PTPRN2: variants seen among roughly 807,000 people sequenced by gnomAD.
PTPRN2 encodes receptor-type tyrosine-protein phosphatase N2.
Under a neutral mutation model 118.8 loss-of-function variants are expected in PTPRN2, and 74 were observed. The ratio of observed to expected loss-of-function variants is 0.62; its 90% CI spans 0.52 to 0.76. The LOEUF is 0.76. Among genes scored for constraint, PTPRN2 ranks in the 30% least tolerant of loss-of-function variants. The pLI is 0.00. For synonymous variants in PTPRN2, 641 were observed against 608.0 expected (o/e 1.05, Z -0.80); for missense variants, 1,481 against 1,394.4 (o/e 1.06, Z -0.99).
chr7:158,423,747 G>T (rs763689820), intron 2 of PTPRN2, among the ~76,000 whole-genome samples: 15 of 148,878 alleles, frequency 1.0e-4, no homozygotes, highest in Non-Finnish European at 1.2e-4. Flanking sequence ...CTGACCTCAA[G>T]TGTTCCGCCC....
At chr7:157,765,153 TCCATCCTTCTTTTATCCATCCAA>T (rs1001105070) in intron 12 of PTPRN2, among the ~76,000 whole-genome samples, 10 of 150,044 alleles carry the variant, frequency 6.7e-5, no homozygotes, top group Admixed American at 2.0e-4. Flanking sequence ...CATCCATCCA[TCCATCCTTCTTTTATCCATCCAA>T]CCATCCATCC....
rs565590147 is a variant in PTPRN2 at position 157,681,261 on chromosome 7, G to A, written c.2001+1464C>T. Among the ~76,000 whole-genome samples, 5 of 152,314 alleles carry A rather than the reference G, an allele frequency of 3.3e-5. No homozygotes were observed. The South Asian group carries it at 6.2e-4, about 19-fold the overall frequency. On this transcript the variant is annotated intron_variant, in intron 13 of 22. Coordinates refer to ENST00000389418, the MANE Select transcript of PTPRN2 (RefSeq NM_002847.5). Reference sequence around the variant, plus strand: ...CTCACGCATGGAACAGAACTGGTGTGATAATTTATTTATGTACTGACACAG... The same window carrying A: ...CTCACGCATGGAACAGAACTGGTGTAATAATTTATTTATGTACTGACACAG...
chr7:157,971,046 G>A (rs1002727928), intron 11 of PTPRN2, among the ~76,000 whole-genome samples: 20 of 152,128 alleles, frequency 1.3e-4, no homozygotes, highest in African/African-American at 4.3e-4. Flanking sequence ...TCCTCTGCCT[G>A]TGCCTCTATC....
At chr7:158,158,231 T>C (rs1291155184) in intron 6 of PTPRN2, among the ~76,000 whole-genome samples, 2 of 152,192 alleles carry the variant, frequency 1.3e-5, no homozygotes, top group South Asian at 2.1e-4. Flanking sequence ...GACAGAAGCA[T>C]TGGTATCAGT....
At chr7:157,769,019 C>T (rs1398365343) in intron 12 of PTPRN2, among the ~76,000 whole-genome samples, 2 of 152,158 alleles carry the variant, frequency 1.3e-5, no homozygotes, top group Non-Finnish European at 2.9e-5. Flanking sequence ...ACGTGCCAGT[C>T]AGCATAAAAA....
At chr7:157,840,079 G>A (rs938524791) in intron 12 of PTPRN2, among the ~76,000 whole-genome samples, 3 of 150,866 alleles carry the variant, frequency 2.0e-5, no homozygotes, top group Non-Finnish European at 2.9e-5. Context: ...ATGTGTGATT[G>A]TGTGGCCATA....
At chr7:157,789,724 T>C (rs1175757031) in intron 12 of PTPRN2, among the ~76,000 whole-genome samples, 2 of 147,596 alleles carry the variant, frequency 1.4e-5, no homozygotes, top group African/African-American at 2.5e-5. Context: ...GTATGGTGTG[T>C]GTGTCTGTGG....
chr7:157,792,277 C>T (rs2151078227), intron 12 of PTPRN2, among the ~76,000 whole-genome samples: 1 of 152,380 alleles, frequency 6.6e-6, no homozygotes, highest in East Asian at 1.9e-4. Flanking sequence ...GCGCCCGCAG[C>T]GGGGCATCTG....
intron 11 of PTPRN2, among the ~76,000 whole-genome samples, chr7:158,019,978 G>A (rs1044234405): frequency 6.6e-6 from 1 of 152,170 alleles, no homozygotes. Context: ...CATTGGCCGC[G>A]GTCCTGCTCC....
chr7:157,767,545 C>G (rs117897634), intron 12 of PTPRN2, among the ~76,000 whole-genome samples: 2 of 152,230 alleles, frequency 1.3e-5, no homozygotes, highest in Non-Finnish European at 2.9e-5. Context: ...TGCTCCTGCT[C>G]TCCCAGGAAA....
chr7:157,729,993 C>T lies in PTPRN2; in HGVS notation c.1789-47056G>A, dbSNP rs1299665401. Among the ~76,000 whole-genome samples the T allele has an allele frequency of 4.6e-5, 7 of 152,340 alleles. No homozygotes were observed. The highest frequency in any genetic ancestry group is 1.7e-4 in the African/African-American group (7 of 41,582). On this transcript the variant is annotated intron_variant, in intron 12 of 22. Coordinates refer to ENST00000389418, the MANE Select transcript of PTPRN2 (RefSeq NM_002847.5). This position sits in a 1 kb window ranked among gnomAD's most constrained non-coding sequence, Gnocchi z 4.3. ...CAGGGAGCAGAAACCACAAGATAGA[C>T]ATGGCCCATTGTGCTCGAGGGTCAC...
chr7:158,053,036 G>A (rs2128898122), intron 11 of PTPRN2, among the ~76,000 whole-genome samples: 1 of 152,338 alleles, frequency 6.6e-6, no homozygotes, highest in African/African-American at 2.4e-5. Flanking sequence ...CCTGGCGTCT[G>A]CTTCCCAAGC....
At chr7:158,296,064 C>G (rs1181001354) in intron 3 of PTPRN2, among the ~76,000 whole-genome samples, 2 of 152,188 alleles carry the variant, frequency 1.3e-5, no homozygotes, top group Admixed American at 6.5e-5. Flanking sequence ...AAGGGCTCTA[C>G]CCCTGGACCT....
rs1803040676 is a variant in PTPRN2, at chr7:157,619,815, T to A, written c.2344+1547A>T. ...GGAAGGAGGGCAAGGGCAGTGCCTC[T>A]CCCTGGCGTGGGGGGCTGTGCTGCT... is the stretch of plus-strand genomic sequence containing the variant. On this transcript the variant is annotated intron_variant, in intron 15 of 22. Transcript: ENST00000389418. This position sits in a 1 kb window ranked among gnomAD's most constrained non-coding sequence, Gnocchi z 5.3. Among the ~76,000 whole-genome samples, 1 of 152,180 alleles carries A rather than the reference T, an allele frequency of 6.6e-6. No individual in the cohort carries two copies. Among genetic ancestry groups the A allele is most frequent in the Non-Finnish European group, 1.5e-5 (1 of 68,022 alleles).
intron 11 of PTPRN2, among the ~76,000 whole-genome samples, chr7:157,994,168 T>C (rs1479752765): frequency 1.3e-5 from 2 of 152,158 alleles, no homozygotes; most frequent in African/African-American, 4.8e-5. Context: ...AGGCCATTAA[T>C]ACTGGTCTGC....
intron 12 of PTPRN2, among the ~76,000 whole-genome samples, chr7:157,802,415 C>T (rs2151098967): frequency 6.6e-6 from 1 of 152,304 alleles, no homozygotes; most frequent in South Asian, 2.1e-4. Context: ...GGCAGGTTGT[C>T]CGTCTTGTCT....
chr7:158,319,396 T>TCCCACACAGCCTCCC (rs1802621169), intron 2 of PTPRN2, among the ~76,000 whole-genome samples: 2 of 42,138 alleles, frequency 4.7e-5, no homozygotes, highest in Non-Finnish European at 7.1e-5. Context: ...ACACACAGCC[T>TCCCACACAGCCTCCC]CCCACACACA....
intron 11 of PTPRN2, among the ~76,000 whole-genome samples, chr7:157,916,195 C>T (rs1242117890): frequency 6.6e-6 from 1 of 152,232 alleles, no homozygotes; most frequent in Non-Finnish European, 1.5e-5. Context: ...GGACGCTGGT[C>T]TCTCCTCGGC....
chr7:158,147,358 A>AATGACACCCCATCTCACGCCACGTG (rs1563511247), intron 6 of PTPRN2, among the ~76,000 whole-genome samples: 2 of 13,902 alleles, frequency 1.4e-4, no homozygotes, highest in Non-Finnish European at 1.2e-4. Context: ...CACGCCACGT[A>AATGACACCCCATCTCACGCCACGTG]TCTTTCCCCC....
Sources: gnomAD v4.1 joint callset for allele counts (sites outside exome capture counted in the v4.1 genomes callset) on GRCh38, gnomAD v4.1.1 for gene constraint, Gnocchi (gnomAD v3.1) non-coding constraint, MANE v1.5 for transcripts, NCBI Gene and HGNC (gene_info 2026-07-23, HGNC 2026-07-21) for gene names.